The following SEC61A2 variants were observed in gnomAD, a reference collection of about 807,000 sequenced individuals.
The protein encoded by SEC61A2 is protein transport protein Sec61 subunit alpha isoform 2.
In SEC61A2, 28 loss-of-function variants were observed where a neutral mutation model predicts 59.9. The ratio of observed to expected loss-of-function variants is 0.47; its 90% CI spans 0.35 to 0.64. The LOEUF (loss-of-function observed/expected upper bound fraction) is 0.64. SEC61A2 is among the 30% of genes least tolerant of loss of function. SEC61A2 has a pLI of 0.01. For synonymous variants in SEC61A2, 202 were observed against 214.4 expected, an observed-to-expected ratio of 0.94 and a Z score of 0.50; for missense variants, 340 against 585.9, an observed-to-expected ratio of 0.58 and a Z score of 4.33.
chr10:12,167,842 A>T, downstream of SEC61A2: 6 of 1,611,232 alleles, frequency 3.7e-6, no homozygotes, highest in Non-Finnish European at 5.1e-6. Flanking sequence ...AACTTAGATC[A>T]TGCCGTTAAG....
In SEC61A2 at chr10:12,149,960, A is replaced by C; in HGVS notation, c.461A>C (p.Gln154Pro). ...GGAATCTGTCTCCTGATCATCATTC[A>C]GGTAAGAAATCCTATATTTTCCTAT... The part of the protein sequence containing the change: ...GAGICLLIII[Q>P]LFVAGLIVLL... Residue 154 changes from glutamine to proline, a missense_variant and splice_region_variant, in exon 6 of 12, where the codon CAG becomes CCG. This residue lies in a region of SEC61A2 where 283 missense variants were observed against 483.2 expected (regional missense o/e 0.59). Coordinates refer to ENST00000298428, the MANE Select transcript of SEC61A2 (RefSeq NM_018144.4). The surrounding 1 kb of genome is among the most constrained non-coding windows in gnomAD (Gnocchi z 5.2). The C allele has an allele frequency of 6.3e-7, 1 of 1,594,614 alleles. No individual in the cohort carries two copies. Among genetic ancestry groups the C allele is most frequent in the Non-Finnish European group, 8.6e-7 (1 of 1,162,462 alleles).
Position 12,149,992 on chromosome 10 carries a change from A to G in SEC61A2, c.462+31A>G. 1 of 1,432,454 alleles carries G rather than the reference A, an allele frequency of 7.0e-7. No homozygotes were observed. The highest frequency in any genetic ancestry group is 1.1e-5 in the South Asian group (1 of 87,124). 88.7% of individuals were successfully genotyped at this position (1,432,454 alleles called of 1,614,324 possible). On this transcript the variant is annotated intron_variant, in intron 6 of 11. Coordinates refer to ENST00000298428, the MANE Select transcript of SEC61A2 (RefSeq NM_018144.4). The surrounding 1 kb of genome is among the most constrained non-coding windows in gnomAD (Gnocchi z 5.2). ...AAATCCTATATTTTCCTATGCAGAT[A>G]ACAAAACAGTTTGATTCCTTTTTCC...
In SEC61A2 at chr10:12,152,405, C is replaced by G. The variant is rs1238118185; in HGVS notation, c.462+2444C>G. ...CAGGGCAGGAATTTTTAATGAAAAT[C>G]AGGTTATTTGGAAGCTTTCTGATCC... On this transcript the variant is annotated intron_variant, in intron 6 of 11. Coordinates refer to ENST00000298428, the MANE Select transcript of SEC61A2 (RefSeq NM_018144.4). The surrounding 1 kb of genome is among the most constrained non-coding windows in gnomAD (Gnocchi z 5.5). Among the ~76,000 whole-genome samples, 1 of 151,926 alleles carries G rather than the reference C, an allele frequency of 6.6e-6. No individual in the cohort carries two copies. Among genetic ancestry groups the G allele is most frequent in the Non-Finnish European group, 1.5e-5 (1 of 67,980 alleles).
intron 1 of SEC61A2, among the ~76,000 whole-genome samples, chr10:12,130,140 C>T (rs1833697734): frequency 6.6e-6 from 1 of 152,124 alleles, no homozygotes; most frequent in South Asian, 2.1e-4. Context: ...TGTTTTTATT[C>T]CCTCGTCATC....
intron 1 of SEC61A2, among the ~76,000 whole-genome samples, chr10:12,132,385 G>A (rs1464993070): frequency 2.6e-5 from 4 of 152,062 alleles, no homozygotes; most frequent in South Asian, 2.1e-4. Flanking sequence ...AGGCTGAGAT[G>A]GGAGGATCGC....
At chr10:12,166,826 CA>C (rs755465685), downstream of SEC61A2, 3 of 458,864 alleles carry the variant, frequency 6.5e-6, no homozygotes, top group Non-Finnish European at 9.0e-6. Flanking sequence ...TGCTAGATGA[CA>C]GGGTTTCAGG....
At position 12,156,880 on chromosome 10, in the gene SEC61A2, C is replaced by T. The variant is rs1834408573; in HGVS notation, c.617-27C>T. On this transcript the variant is annotated intron_variant, in intron 7 of 11. Transcript: ENST00000298428. This position sits in a 1 kb window ranked among gnomAD's most constrained non-coding sequence, Gnocchi z 5.2. ...GGGACAGCTTTGGACGATGAGTCCA[C>T]AGGTCGTGTCTGTCTTGATTTTACA... The T allele has an allele frequency of 6.2e-7, 1 of 1,611,296 alleles. No individual in the cohort carries two copies. Among genetic ancestry groups the T allele is most frequent in the South Asian group, 1.1e-5 (1 of 90,640 alleles).
At chr10:12,163,393 T>C (rs2131684444) in intron 11 of SEC61A2, among the ~76,000 whole-genome samples, 1 of 147,998 alleles carries the variant, frequency 6.8e-6, no homozygotes, top group East Asian at 2.0e-4. Flanking sequence ...GGCACCGTCT[T>C]GGCTCACTGC....
At chr10:12,146,871 G>A (rs1834152648) in intron 4 of SEC61A2, among the ~76,000 whole-genome samples, 1 of 151,456 alleles carries the variant, frequency 6.6e-6, no homozygotes, top group South Asian at 2.1e-4. Context: ...TGAGAGATAA[G>A]AACTTTTTGT....
At position 12,129,869 on chromosome 10, in the gene SEC61A2, G is replaced by A; in HGVS notation, c.7+75G>A. 2 of 1,271,488 alleles carry A rather than the reference G, an allele frequency of 1.6e-6. No homozygotes were observed. Among genetic ancestry groups the A allele is most frequent in the Non-Finnish European group, 2.0e-6 (2 of 992,974 alleles). 78.8% of individuals were successfully genotyped at this position (1,271,488 alleles called of 1,614,324 possible). On this transcript the variant is annotated intron_variant, in intron 1 of 11. Transcript: ENST00000298428. The surrounding 1 kb of genome is among the most constrained non-coding windows in gnomAD (Gnocchi z 5.6). ...GCCTGGGCTGCGGGCGGTGGGGCTG[G>A]CGCTCGCTCGGAGTCGTGGGGGCCA...
rs1390968035 is a variant in SEC61A2, at chr10:12,152,509, C to T, written c.462+2548C>T. 3.9e-5 allele frequency among the ~76,000 whole-genome samples: 6 copies of T among 152,146 alleles called. No homozygotes were observed. The highest frequency in any genetic ancestry group is 1.9e-4 in the East Asian group (1 of 5,194). On this transcript the variant is annotated intron_variant, in intron 6 of 11. Transcript: ENST00000298428. The surrounding 1 kb of genome is among the most constrained non-coding windows in gnomAD (Gnocchi z 5.5). Reference sequence around the variant, plus strand: ...ATGTGGTGGCTCACACCTGTAATTCCAGCACTTTGAGAGGCCGAGATGGGC... The same window carrying T: ...ATGTGGTGGCTCACACCTGTAATTCTAGCACTTTGAGAGGCCGAGATGGGC...
chr10:12,157,796 C>T (rs12770130), intron 8 of SEC61A2, 112 bp from the exon 9 acceptor site: 36,814 of 987,352 alleles, frequency 0.037, 884 homozygotes, highest in Non-Finnish European at 0.049. Flanking sequence ...CCCCTGTGCC[C>T]GGCCGGCATT....
chr10:12,164,156 CA>C lies in SEC61A2; in HGVS notation c.1245-111del. 8.1e-7 allele frequency: 1 copy of C among 1,236,086 alleles called. No individual in the cohort carries two copies. Among genetic ancestry groups the C allele is most frequent in the Non-Finnish European group, 1.1e-6 (1 of 890,576 alleles). The allele number at this position is 1,236,086 out of a possible 1,614,324, so 76.6% of individuals were successfully genotyped here. A position where few individuals can be genotyped will look rare whatever the true frequency, so the allele number is the denominator to read the frequency against. On this transcript the variant is annotated intron_variant, in intron 11 of 11. Transcript: ENST00000298428. This position sits in a 1 kb window ranked among gnomAD's most constrained non-coding sequence, Gnocchi z 7.3. Reference sequence around the variant, plus strand: ...ACTGCAGCCTGTTCCCTCTGGAGTTCAGGGAGGCTTTAGACCCAGCTATGGC... The same window carrying C: ...ACTGCAGCCTGTTCCCTCTGGAGTTCGGGAGGCTTTAGACCCAGCTATGGC...
rs1834360038 is a variant in SEC61A2, at chr10:12,154,824, A to T, written c.463-954A>T. On this transcript the variant is annotated intron_variant, in intron 6 of 11. Transcript: ENST00000298428. This position sits in a 1 kb window ranked among gnomAD's most constrained non-coding sequence, Gnocchi z 5.2. ...GCAGGTGATATTGGATAAAGTGAGT[A>T]CAAAATGAGGGTGGGCGGCTTGAGA... is the stretch of plus-strand genomic sequence containing the variant. Among the ~76,000 whole-genome samples, 1 of 152,196 alleles carries T rather than the reference A, an allele frequency of 6.6e-6. No homozygotes were observed. Among genetic ancestry groups the T allele is most frequent in the African/African-American group, 2.4e-5 (1 of 41,456 alleles).
chr10:12,137,964 C>G (rs1833926221), intron 3 of SEC61A2, among the ~76,000 whole-genome samples: 1 of 152,118 alleles, frequency 6.6e-6, no homozygotes, highest in Non-Finnish European at 1.5e-5. Flanking sequence ...TGAGATCACG[C>G]CATTGCACTC....
chr10:12,138,878 A>G (rs1034692843), intron 3 of SEC61A2, among the ~76,000 whole-genome samples: 1 of 152,226 alleles, frequency 6.6e-6, no homozygotes, highest in Non-Finnish European at 1.5e-5. Context: ...TTAGAAGTAC[A>G]GCTGTTGGGT....
In SEC61A2 at chr10:12,155,120, TAAAAAC is replaced by T. The variant is rs1162752509; in HGVS notation, c.463-655_463-650del. ...ATTAAAGTCAGTATGCTTTCATTTTTAAAAACAATATGAGCTTAACCTTAACCGTCT... is the reference window on the plus strand; with the variant it reads ...ATTAAAGTCAGTATGCTTTCATTTTTAATATGAGCTTAACCTTAACCGTCT... On this transcript the variant is annotated intron_variant, in intron 6 of 11. Transcript: ENST00000298428. The surrounding 1 kb of genome is among the most constrained non-coding windows in gnomAD (Gnocchi z 4.3). 2.0e-5 allele frequency among the ~76,000 whole-genome samples: 3 copies of T among 152,326 alleles called. No individual in the cohort carries two copies. In the East Asian group the frequency reaches 5.8e-4, roughly 29 times the overall value.
rs1834378244 is a variant in SEC61A2 at position 12,155,573 on chromosome 10, C to T, written c.463-205C>T. The stretch of plus-strand genomic sequence containing the variant: ...TTGAAATGTCTGCTTTATAATACAA[C>T]AGTATTTCCAGTCCTCTTACTGTTC... On this transcript the variant is annotated intron_variant, in intron 6 of 11. Transcript: ENST00000298428. The surrounding 1 kb of genome is among the most constrained non-coding windows in gnomAD (Gnocchi z 4.3). 6.6e-6 allele frequency among the ~76,000 whole-genome samples: 1 copy of T among 152,178 alleles called. No homozygotes were observed. Among genetic ancestry groups the T allele is most frequent in the Non-Finnish European group, 1.5e-5 (1 of 68,034 alleles).
rs908232239 is a variant in SEC61A2, at chr10:12,160,356, C to T, written c.976-574C>T. Reference sequence around the variant, plus strand: ...TGGTTTCTCACCCCCTATCTGTATACCCCAAAACTTTATTTAATATGAGCA... The same window carrying T: ...TGGTTTCTCACCCCCTATCTGTATATCCCAAAACTTTATTTAATATGAGCA... On this transcript the variant is annotated intron_variant, in intron 9 of 11. Coordinates refer to ENST00000298428, the MANE Select transcript of SEC61A2 (RefSeq NM_018144.4). The surrounding 1 kb of genome is among the most constrained non-coding windows in gnomAD (Gnocchi z 4.1). 7.9e-5 allele frequency among the ~76,000 whole-genome samples: 12 copies of T among 152,092 alleles called. No homozygotes were observed. Among genetic ancestry groups the T allele is most frequent in the Admixed American group, 7.2e-4 (11 of 15,272 alleles).
Sources: gnomAD v4.1 joint callset for allele counts (sites outside exome capture counted in the v4.1 genomes callset) on GRCh38, gnomAD v4.1.1 for gene constraint, gnomAD v4.1.1 regional missense constraint, Gnocchi (gnomAD v3.1) non-coding constraint, MANE v1.5 for transcripts, NCBI Gene and HGNC (gene_info 2026-07-23, HGNC 2026-07-21) for gene names.